Variants in INSYN2B observed in about 807,000 individuals in gnomAD.
The protein encoded by INSYN2B is inhibitory synaptic factor family member 2B, also known as protein INSYN2B.
In INSYN2B, 16 loss-of-function variants were observed where a neutral mutation model predicts 41.2. The ratio of observed to expected loss-of-function variants is 0.39; its 90% CI spans 0.26 to 0.59. INSYN2B has a LOEUF of 0.59. Among genes scored for constraint, INSYN2B ranks in the 20% least tolerant of loss-of-function variants. The pLI is 0.57. For missense variants in INSYN2B, 608 were observed against 646.4 expected (o/e 0.94, Z 0.64); for synonymous variants, 245 against 244.4 (o/e 1.00, Z -0.02).
intron 1 of INSYN2B, among the ~76,000 whole-genome samples, chr5:169,973,259 T>G (rs1777593133): frequency 6.6e-6 from 1 of 152,152 alleles, no homozygotes; most frequent in African/African-American, 2.4e-5. Context: ...CTATAAATCC[T>G]CACCCACAAT....
At chr5:169,952,503 C>T (rs1484854018) in intron 1 of INSYN2B, among the ~76,000 whole-genome samples, 1 of 152,080 alleles carries the variant, frequency 6.6e-6, no homozygotes, top group Non-Finnish European at 1.5e-5. Context: ...TTAATGCTCC[C>T]CACACATGGG....
chr5:169,977,300 G>A (rs541304855), intron 1 of INSYN2B, among the ~76,000 whole-genome samples: 15 of 152,322 alleles, frequency 9.8e-5, no homozygotes, highest in Admixed American at 9.1e-4. Context: ...GATTGGGAGT[G>A]CTTGATGTGT....
intron 1 of INSYN2B, among the ~76,000 whole-genome samples, chr5:169,963,838 G>A (rs547406398): frequency 8.5e-5 from 13 of 152,256 alleles, no homozygotes; most frequent in African/African-American, 3.1e-4. Flanking sequence ...GGGAAGGCTG[G>A]TTGAACATAG....
intron 1 of INSYN2B, among the ~76,000 whole-genome samples, chr5:169,910,016 T>C (rs1006024784): frequency 1.3e-5 from 2 of 152,160 alleles, no homozygotes; most frequent in African/African-American, 4.8e-5. Context: ...TCAGGGTGCC[T>C]TTCTCTCAGC....
chr5:169,866,038 G>A (rs1771531126), intron 3 of INSYN2B, among the ~76,000 whole-genome samples: 1 of 150,086 alleles, frequency 6.7e-6, no homozygotes, highest in Non-Finnish European at 1.5e-5. Context: ...AGAGGGGCGA[G>A]GGGGCCTGTT....
At chr5:169,977,028 T>C (rs1232040128) in intron 1 of INSYN2B, among the ~76,000 whole-genome samples, 1 of 152,252 alleles carries the variant, frequency 6.6e-6, no homozygotes, top group Admixed American at 6.5e-5. Context: ...AGAATGTCAC[T>C]GCACGCAAAG....
intron 1 of INSYN2B, among the ~76,000 whole-genome samples, chr5:169,962,113 T>G (rs1777112736): frequency 6.6e-6 from 1 of 152,066 alleles, no homozygotes; most frequent in African/African-American, 2.4e-5. Flanking sequence ...GGCTTCACGC[T>G]TTATTGTGGC....
At chr5:169,879,435 T>C (rs1387063182) in intron 3 of INSYN2B, among the ~76,000 whole-genome samples, 1 of 152,216 alleles carries the variant, frequency 6.6e-6, no homozygotes, top group African/African-American at 2.4e-5. Context: ...TCTGCTTTCA[T>C]CAAATTAATT....
At position 169,900,227 on chromosome 5, in the gene INSYN2B, C is replaced by T. The variant is rs151169812; in HGVS notation, c.-918-15411G>A. Among the ~76,000 whole-genome samples, 26 of 152,272 alleles carry T rather than the reference C, an allele frequency of 1.7e-4. No homozygotes were observed. In the East Asian group the frequency reaches 4.2e-3, roughly 25 times the overall value. On this transcript the variant is annotated intron_variant, in intron 1 of 3. Coordinates refer to ENST00000377365, the MANE Select transcript of INSYN2B (RefSeq NM_001129891.3). ...AGCAAGGTCAGGTATTGTAGAAATC[C>T]ACCATCCCAGGCCCTAACCTGTTGG... is the stretch of plus-strand genomic sequence containing the variant.
chr5:169,935,352 C>T (rs1350806191), intron 1 of INSYN2B, among the ~76,000 whole-genome samples: 1 of 151,936 alleles, frequency 6.6e-6, no homozygotes, highest in East Asian at 1.9e-4. Context: ...CTCACTTGCG[C>T]CCTTCTGCTC....
intron 1 of INSYN2B, among the ~76,000 whole-genome samples, chr5:169,959,605 T>C (rs934216943): frequency 5.9e-5 from 9 of 152,178 alleles, no homozygotes; most frequent in Non-Finnish European, 2.9e-5. Context: ...GAATCTTTTA[T>C]TGGGAATGCT....
chr5:169,961,605 A>G (rs1347001719), intron 1 of INSYN2B, among the ~76,000 whole-genome samples: 9 of 152,214 alleles, frequency 5.9e-5, no homozygotes, highest in Non-Finnish European at 2.9e-5. Flanking sequence ...GACAAGCACT[A>G]AACAAGTCTT....
At chr5:169,953,929 G>T (rs1434745849) in intron 1 of INSYN2B, among the ~76,000 whole-genome samples, 3 of 152,160 alleles carry the variant, frequency 2.0e-5, no homozygotes, top group Non-Finnish European at 4.4e-5. Flanking sequence ...CTCAAGAATT[G>T]TCTCACCAAT....
chr5:169,924,895 A>C (rs1012998155), intron 1 of INSYN2B, among the ~76,000 whole-genome samples: 2 of 152,128 alleles, frequency 1.3e-5, no homozygotes, highest in African/African-American at 2.4e-5. Context: ...TACTTCCTCT[A>C]GAAGTCCCCA....
chr5:169,960,357 G>A (rs1777035343), intron 1 of INSYN2B, among the ~76,000 whole-genome samples: 1 of 152,158 alleles, frequency 6.6e-6, no homozygotes, highest in African/African-American at 2.4e-5. Context: ...TGCCTGAAAG[G>A]TGCTATTTCT....
At chr5:169,956,650 A>G (rs1322034369) in intron 1 of INSYN2B, among the ~76,000 whole-genome samples, 2 of 152,208 alleles carry the variant, frequency 1.3e-5, no homozygotes, top group African/African-American at 4.8e-5. Flanking sequence ...TCTTGCTTAA[A>G]ATGCATTGGA....
chr5:169,966,116 A>G lies in INSYN2B; in HGVS notation c.-919+14161T>C, dbSNP rs553619318. ...GCAACAGAACATACTTTGAAGTTGT[A>G]AGGCCTTTAAAATTCCAAGATGAAA... On this transcript the variant is annotated intron_variant, in intron 1 of 3. Transcript: ENST00000377365. Among the ~76,000 whole-genome samples the G allele has an allele frequency of 3.9e-5, 6 of 152,370 alleles. No individual in the cohort carries two copies. The East Asian group carries it at 1.2e-3, about 29-fold the overall frequency.
chr5:169,943,519 C>T (rs901867440), intron 1 of INSYN2B, among the ~76,000 whole-genome samples: 1 of 152,190 alleles, frequency 6.6e-6, no homozygotes, highest in African/African-American at 2.4e-5. Flanking sequence ...TCCCACATTC[C>T]CATACAAGTC....
intron 1 of INSYN2B, among the ~76,000 whole-genome samples, chr5:169,953,520 T>C (rs1251076690): frequency 2.6e-5 from 4 of 152,198 alleles, no homozygotes; most frequent in Admixed American, 1.3e-4. Context: ...AAGTCCTGTA[T>C]AAAATGCTGA....
Sources: gnomAD v4.1 joint callset for allele counts (sites outside exome capture counted in the v4.1 genomes callset) on GRCh38, gnomAD v4.1.1 for gene constraint, MANE v1.5 for transcripts, NCBI Gene and HGNC (gene_info 2026-07-23, HGNC 2026-07-21) for gene names.